TRPM4: variants seen among roughly 807,000 people sequenced by gnomAD.
The protein encoded by TRPM4 is transient receptor potential cation channel subfamily M member 4, also known as calcium-activated non-selective cation channel 1.
In TRPM4, 124 loss-of-function variants were observed where a neutral mutation model predicts 135.6. The ratio of observed to expected loss-of-function variants is 0.91; its 90% CI spans 0.79 to 1.06. TRPM4 has a LOEUF of 1.06. Among genes scored for constraint, TRPM4 ranks in the 50% least tolerant of loss-of-function variants. TRPM4 has a pLI of 0.00. For missense variants in TRPM4, 1,658 were observed against 1,671.4 expected (o/e 0.99, Z 0.14); for synonymous variants, 745 against 705.6 (o/e 1.06, Z -0.88).
chr19:49,168,857 C>A, intron 6 of TRPM4, 121 bp downstream of exon 6: 1 of 1,098,224 alleles, frequency 9.1e-7, no homozygotes, highest in Non-Finnish European at 1.3e-6. Flanking sequence ...AGTGTCTTTC[C>A]CCGTCATTAT....
rs1450462854 is a variant in TRPM4 at position 49,196,715 on chromosome 19, T to C, written c.2486T>C (p.Leu829Pro). Residue 829 changes from leucine to proline, a missense_variant, in exon 17 of 25, where the codon CTG becomes CCG. By Grantham distance (98) the Leu-to-Pro change is moderately conservative. Around this residue, in one of 3 missense-constraint regions of TRPM4, gnomAD observed 1,412 missense variants for 1,408.7 expected, o/e 1.00. Coordinates refer to ENST00000252826, the MANE Select transcript of TRPM4 (RefSeq NM_017636.4). The stretch of plus-strand genomic sequence containing the variant: ...GCTTTCACGCTGCTGTGCGAGGAAC[T>C]GCGCCAGGGCCTGAGCGGAGGCGGG... ...FWAFTLLCEE[L>P]RQGLSGGGGS... The C allele has an allele frequency of 1.3e-6, 2 of 1,552,828 alleles. No homozygotes were observed. The highest frequency in any genetic ancestry group is 1.7e-6 in the Non-Finnish European group (2 of 1,155,502).
rs200075383 is a variant in TRPM4, at chr19:49,168,345, T to C, written c.534T>C (p.Thr178=). 6.2e-7 allele frequency: 1 copy of C among 1,614,116 alleles called. No homozygotes were observed. The highest frequency in any genetic ancestry group is 8.5e-7 in the Non-Finnish European group (1 of 1,180,032). Residue 178 remains threonine, a synonymous_variant, in exon 5 of 25, where the codon ACT becomes ACC. Transcript: ENST00000252826. The stretch of plus-strand genomic sequence containing the variant: ...TACGGGACCATCAGATGGCCAGCAC[T>C]GGGGGCACCAAGGTGGTGGCCATGG... ...VAVRDHQMAS[T]GGTKVVAMGV...
intron 15 of TRPM4, 110 bp from the exon 16 acceptor site, chr19:49,190,586 T>A: frequency 8.5e-7 from 1 of 1,170,810 alleles, no homozygotes; most frequent in Non-Finnish European, 1.3e-6. Flanking sequence ...GGAGACCACC[T>A]CTCTGTCCCT....
intron 2 of TRPM4, chr19:49,158,770 G>A (rs11667393): frequency 0.55 from 88,126 of 160,344 alleles, 27,498 homozygotes; most frequent in Non-Finnish European, 0.71. Context: ...TTCTCATCTG[G>A]GCATCAAAAG....
rs201329004 is a variant in TRPM4, at chr19:49,189,012, C to G, written c.1940C>G (p.Pro647Arg). 6.2e-7 allele frequency: 1 copy of G among 1,614,192 alleles called. No homozygotes were observed. Among genetic ancestry groups the G allele is most frequent in the East Asian group, 2.2e-5 (1 of 44,878 alleles). ...GCCCGCCTCCTCCTCCGTCGCTGCCCGCTCTGGGGGGATGCCACTTGCCTC... is the reference window on the plus strand; with the variant it reads ...GCCCGCCTCCTCCTCCGTCGCTGCCGGCTCTGGGGGGATGCCACTTGCCTC... ...RAARLLLRRC[P>R]LWGDATCLQL... Residue 647 changes from proline to arginine, a missense_variant, in exon 14 of 25, where the codon CCG becomes CGG. Pro to Arg is a moderately radical substitution (Grantham distance 103). This residue lies in a region of TRPM4 where 1,412 missense variants were observed against 1,408.7 expected (regional missense o/e 1.00). Coordinates refer to ENST00000252826, the MANE Select transcript of TRPM4 (RefSeq NM_017636.4).
intron 17 of TRPM4, among the ~76,000 whole-genome samples, chr19:49,199,044 A>C (rs1394538350): frequency 1.3e-5 from 2 of 152,100 alleles, no homozygotes; most frequent in African/African-American, 4.8e-5. Flanking sequence ...AGGGTAAGAG[A>C]GTGCCCCCTT....
chr19:49,185,911 C>T (rs1968180745), intron 12 of TRPM4, among the ~76,000 whole-genome samples: 1 of 151,940 alleles, frequency 6.6e-6, no homozygotes, highest in Non-Finnish European at 1.5e-5. Context: ...CCACCACACC[C>T]AGCTAATTTT....
intron 9 of TRPM4, among the ~76,000 whole-genome samples, chr19:49,174,214 G>A (rs185222804): frequency 8.1e-4 from 123 of 152,198 alleles, no homozygotes; most frequent in African/African-American, 2.7e-3. Context: ...GTGCAGTGGT[G>A]CGAGCTTGGC....
At position 49,171,815 on chromosome 19, in the gene TRPM4, C is replaced by G. The variant is rs758232817; in HGVS notation, c.1050+46C>G. On this transcript the variant is annotated intron_variant, in intron 8 of 24. Coordinates refer to ENST00000252826, the MANE Select transcript of TRPM4 (RefSeq NM_017636.4). The surrounding 1 kb of genome is among the most constrained non-coding windows in gnomAD (Gnocchi z 4.7). Reference sequence around the variant, plus strand: ...CTCTGGATCCTGAGATGGGAGGGAACTGGGGACTTGGGCTCCTGGGTCTGA... The same window carrying G: ...CTCTGGATCCTGAGATGGGAGGGAAGTGGGGACTTGGGCTCCTGGGTCTGA... 6.3e-7 allele frequency: 1 copy of G among 1,585,812 alleles called. No homozygotes were observed. Among genetic ancestry groups the G allele is most frequent in the Non-Finnish European group, 8.6e-7 (1 of 1,163,414 alleles).
At position 49,196,588 on chromosome 19, in the gene TRPM4, G is replaced by C; in HGVS notation, c.2359G>C (p.Val787Leu). 1 of 1,557,408 alleles carries C rather than the reference G, an allele frequency of 6.4e-7. No individual in the cohort carries two copies. The highest frequency in any genetic ancestry group is 1.2e-5 in the South Asian group (1 of 84,992). ...GAPVTIFMGN[V>L]VSYLLFLLLF... ...GCCGGTGACCATCTTCATGGGCAAC[G>C]TGGTCAGCTACCTGCTGTTCCTGCT... Residue 787 changes from valine to leucine, a missense_variant, in exon 17 of 25, where the codon GTG (valine) becomes CTG (leucine). Physicochemically the swap from Val to Leu is conservative, Grantham distance 32. Around this residue, in one of 3 missense-constraint regions of TRPM4, gnomAD observed 1,412 missense variants for 1,408.7 expected, o/e 1.00. Coordinates refer to ENST00000252826, the MANE Select transcript of TRPM4 (RefSeq NM_017636.4).
At chr19:49,162,110 G>C (rs1600390239) in intron 2 of TRPM4, among the ~76,000 whole-genome samples, 1 of 152,220 alleles carries the variant, frequency 6.6e-6, no homozygotes, top group South Asian at 2.1e-4. Context: ...AGGGGCAGGG[G>C]TATCCTGCCA....
chr19:49,200,672 C>A lies in TRPM4; in HGVS notation c.2840C>A (p.Ala947Asp), dbSNP rs368175948. The A allele has an allele frequency of 1.8e-5, 29 of 1,613,870 alleles. No individual in the cohort carries two copies. Among genetic ancestry groups the A allele is most frequent in the Admixed American group, 3.3e-5 (2 of 59,994 alleles). Reference protein sequence around the residue: ...LGVWLVAYGVATEGLLRPRDS... With the variant: ...LGVWLVAYGVDTEGLLRPRDS... ...GTGTGGCTGGTAGCCTATGGCGTGG[C>A]CACGGAGGGGCTCCTGAGGCCACGG... The change falls in exon 19 of 25, where the codon GCC becomes GAC. Residue 947 changes from alanine (A) to aspartate (D), a missense_variant. Physicochemically the swap from Ala to Asp is moderately radical, Grantham distance 126. This residue lies in a region of TRPM4 where 1,412 missense variants were observed against 1,408.7 expected (regional missense o/e 1.00). Coordinates refer to ENST00000252826, the MANE Select transcript of TRPM4 (RefSeq NM_017636.4).
intron 20 of TRPM4, among the ~76,000 whole-genome samples, chr19:49,209,889 C>T (rs1285485672): frequency 6.6e-6 from 1 of 151,834 alleles, no homozygotes; most frequent in African/African-American, 2.4e-5. Context: ...GCTGGGATTA[C>T]AGGTGCCCAC....
chr19:49,187,194 TG>T (rs1017682925), intron 12 of TRPM4, among the ~76,000 whole-genome samples: 1 of 143,304 alleles, frequency 7.0e-6, no homozygotes, highest in Non-Finnish European at 1.5e-5. Flanking sequence ...AGCATTTTCT[TG>T]TTTTTTTTTT....
In TRPM4 at chr19:49,167,992, C is replaced by T. The variant is rs1568458887; in HGVS notation, c.343C>T (p.Pro115Ser). The change falls in exon 4 of 25, where the codon CCG (proline) becomes TCG (serine). Residue 115 changes from proline to serine, a missense_variant. Pro to Ser is a moderately conservative substitution (Grantham distance 74). Coordinates refer to ENST00000252826, the MANE Select transcript of TRPM4 (RefSeq NM_017636.4). ...CACACGCACATGGGGCTTCCGTGCC[C>T]CGAACCTGGTGGTGTCAGTGCTGGG... ...LVTRTWGFRAPNLVVSVLGGS... is the reference protein window; with the variant it reads ...LVTRTWGFRASNLVVSVLGGS... 6.8e-6 allele frequency: 11 copies of T among 1,614,016 alleles called. No homozygotes were observed. Among genetic ancestry groups the T allele is most frequent in the Non-Finnish European group, 8.5e-6 (10 of 1,180,020 alleles).
At position 49,172,016 on chromosome 19, in the gene TRPM4, G is replaced by GCT; in HGVS notation, c.1058_1059insCT (p.Arg353SerfsTer2). 1 of 1,613,754 alleles carries GCT rather than the reference G, an allele frequency of 6.2e-7. No individual in the cohort carries two copies. Among genetic ancestry groups the GCT allele is most frequent in the Non-Finnish European group, 8.5e-7 (1 of 1,179,696 alleles). ...GAACTGGCTATTCCACAGGTGGAGA[G>GCT]GATTATGACCCGGAAGGAGCTCCTG... On this transcript the variant is annotated frameshift_variant, in exon 9 of 25. Coordinates refer to ENST00000252826, the MANE Select transcript of TRPM4 (RefSeq NM_017636.4). LOFTEE classifies it high-confidence loss of function.
Position 49,211,557 on chromosome 19 carries a change from G to A in TRPM4, c.*59G>A. ...CAGGGGATTTTGCTCCTAGAGTAAG[G>A]CTCATCTGGGCCTCGGCCCCCGCAC... On this transcript the variant is annotated 3_prime_UTR_variant, in exon 25 of 25. Transcript: ENST00000252826. The surrounding 1 kb of genome is among the most constrained non-coding windows in gnomAD (Gnocchi z 4.8). 2 of 1,610,436 alleles carry A rather than the reference G, an allele frequency of 1.2e-6. No individual in the cohort carries two copies. Among genetic ancestry groups the A allele is most frequent in the Non-Finnish European group, 1.7e-6 (2 of 1,177,380 alleles).
intron 2 of TRPM4, among the ~76,000 whole-genome samples, chr19:49,161,260 G>A (rs12461291): frequency 2.0e-5 from 3 of 150,582 alleles, no homozygotes; most frequent in South Asian, 4.2e-4. Context: ...AATTGTGTGC[G>A]TGTGTTTGTG....
At chr19:49,166,349 C>T (rs895743952) in intron 3 of TRPM4, 134 bp downstream of exon 3, 6 of 890,562 alleles carry the variant, frequency 6.7e-6, no homozygotes, top group Admixed American at 5.7e-5. Context: ...TTGTCCCCTC[C>T]GCCCCACCTA....
Sources: gnomAD v4.1 joint callset for allele counts (sites outside exome capture counted in the v4.1 genomes callset) on GRCh38, gnomAD v4.1.1 for gene constraint, gnomAD v4.1.1 regional missense constraint, Gnocchi (gnomAD v3.1) non-coding constraint, MANE v1.5 for transcripts, NCBI Gene and HGNC (gene_info 2026-07-23, HGNC 2026-07-21) for gene names.